SEC23IP: variants seen among roughly 807,000 people sequenced by gnomAD.
The protein encoded by SEC23IP is SEC23 interacting protein.
In SEC23IP, 70 loss-of-function variants were observed where a neutral mutation model predicts 113.4. The observed-to-expected ratio is 0.62, with a 90% CI of 0.51 to 0.75. SEC23IP has a LOEUF of 0.75. SEC23IP is among the 30% of genes least tolerant of loss of function. The pLI, the probability that SEC23IP is intolerant of heterozygous loss-of-function variation, is 0.00. For synonymous variants in SEC23IP, 398 were observed against 421.0 expected (o/e 0.95, Z 0.67); for missense variants, 1,160 against 1,204.9 (o/e 0.96, Z 0.55).
At chr10:119,933,297 C>A in intron 17 of SEC23IP, 130 bp downstream of exon 17, 1 of 817,314 alleles carries the variant, frequency 1.2e-6, no homozygotes, top group Non-Finnish European at 1.9e-6. Context: ...ACTATATGTT[C>A]AGAATCGTTA....
At chr10:119,915,984 A>G (rs1855038307) in intron 8 of SEC23IP, 95 bp downstream of exon 8, 5 of 1,090,052 alleles carry the variant, frequency 4.6e-6, no homozygotes, top group South Asian at 3.4e-5. Flanking sequence ...GCTTCAATCA[A>G]TATGTTTTTA....
chr10:119,900,760 C>T (rs1349760262), intron 2 of SEC23IP, among the ~76,000 whole-genome samples: 1 of 151,922 alleles, frequency 6.6e-6, no homozygotes, highest in Non-Finnish European at 1.5e-5. Flanking sequence ...ACACCTGTCC[C>T]AAAATGGTGT....
At position 119,939,852 on chromosome 10, in the gene SEC23IP, C is replaced by T. The variant is rs375882671; in HGVS notation, c.*21-734C>T. On this transcript the variant is annotated intron_variant, in intron 18 of 18. Transcript: ENST00000369075. ...CTGGGACCACAGGTGTGCACCACCA[C>T]GTCTGGCTAATTTTTTTATTTTTTG... Among the ~76,000 whole-genome samples, 7 of 151,994 alleles carry T rather than the reference C, an allele frequency of 4.6e-5. No homozygotes were observed. In the East Asian group the frequency reaches 7.8e-4, roughly 17 times the overall value.
Position 119,941,542 on chromosome 10 carries a change from A to T in SEC23IP, c.*977A>T, listed in dbSNP as rs1855964346. On this transcript the variant is annotated 3_prime_UTR_variant, in exon 19 of 19. Coordinates refer to ENST00000369075, the MANE Select transcript of SEC23IP (RefSeq NM_007190.4). Reference sequence around the variant, plus strand: ...CTTTGTTTTACTATAAATTCAGATTATCCAAATATTTTCCTAATACTATGT... The same window carrying T: ...CTTTGTTTTACTATAAATTCAGATTTTCCAAATATTTTCCTAATACTATGT... 6.6e-6 allele frequency: 1 copy of T among 152,614 alleles called. No individual in the cohort carries two copies. The highest frequency in any genetic ancestry group is 1.5e-5 in the Non-Finnish European group (1 of 68,046). 9.5% of individuals were successfully genotyped at this position (152,614 alleles called of 1,614,324 possible).
intron 1 of SEC23IP, among the ~76,000 whole-genome samples, chr10:119,896,227 A>G (rs1477127865): frequency 1.3e-5 from 2 of 152,130 alleles, no homozygotes; most frequent in African/African-American, 4.8e-5. Flanking sequence ...ACAGAGGCCC[A>G]TTTTTGTTTA....
intron 1 of SEC23IP, among the ~76,000 whole-genome samples, chr10:119,897,258 A>T (rs1294048760): frequency 6.6e-6 from 1 of 152,356 alleles, no homozygotes; most frequent in African/African-American, 2.4e-5. Flanking sequence ...GCTAGGGAAC[A>T]TAAAAGTTTC....
At chr10:119,920,762 AACTT>A in intron 11 of SEC23IP, 123 bp from the exon 12 acceptor site, 1 of 568,638 alleles carries the variant, frequency 1.8e-6, no homozygotes, top group Admixed American at 3.5e-5. Flanking sequence ...CAAAATAACT[AACTT>A]GTAAAAAGTT....
At chr10:119,901,292 C>T (rs1854491223) in intron 2 of SEC23IP, among the ~76,000 whole-genome samples, 1 of 151,874 alleles carries the variant, frequency 6.6e-6, no homozygotes, top group South Asian at 2.1e-4. Flanking sequence ...TAGGTGTGAA[C>T]CATCGTGTCT....
At chr10:119,926,878 C>T (rs560532499) in intron 13 of SEC23IP, among the ~76,000 whole-genome samples, 1 of 152,202 alleles carries the variant, frequency 6.6e-6, no homozygotes, top group East Asian at 1.9e-4. Context: ...TTTACAACTT[C>T]ATTTTCTTTT....
In SEC23IP at chr10:119,942,011, T is replaced by C. The variant is rs1007459814; in HGVS notation, c.*1446T>C. 6.6e-6 allele frequency: 1 copy of C among 152,240 alleles called. No homozygotes were observed. The highest frequency in any genetic ancestry group is 1.5e-5 in the Non-Finnish European group (1 of 68,044). The allele number at this position is 152,240 out of a possible 1,614,324, so 9.4% of individuals were successfully genotyped here. A position where few individuals can be genotyped will look rare whatever the true frequency, so the allele number is the denominator to read the frequency against. ...GGAATATGGTTTTCTTGATTCCCTT[T>C]CAGCCTTCATTTCTCTCTCTCAGGA... On this transcript the variant is annotated 3_prime_UTR_variant, in exon 19 of 19. Coordinates refer to ENST00000369075, the MANE Select transcript of SEC23IP (RefSeq NM_007190.4).
Position 119,909,032 on chromosome 10 carries a change from C to A in SEC23IP, c.1102-9C>A. ...CATGTTGGAATATATGTTGTTTCCC[C>A]CATTATAGGCTGAATATAAAAAAGC... On this transcript the variant is annotated splice_polypyrimidine_tract_variant and intron_variant, in intron 4 of 18. Transcript: ENST00000369075. 1 of 1,578,846 alleles carries A rather than the reference C, an allele frequency of 6.3e-7. No individual in the cohort carries two copies. Among genetic ancestry groups the A allele is most frequent in the South Asian group, 1.1e-5 (1 of 86,988 alleles).
At chr10:119,912,208 C>T in intron 6 of SEC23IP, 44 bp downstream of exon 6, 1 of 1,576,960 alleles carries the variant, frequency 6.3e-7, no homozygotes, top group Non-Finnish European at 8.7e-7. Context: ...TTAGTCCTCT[C>T]CATTTTAGCA....
chr10:119,898,301 G>T, intron 1 of SEC23IP, 126 bp from the exon 2 acceptor site: 1 of 1,348,606 alleles, frequency 7.4e-7, no homozygotes. Flanking sequence ...GTTTTTTTCT[G>T]TAATGCAGAA....
chr10:119,894,794 G>A (rs1854213778), intron 1 of SEC23IP, among the ~76,000 whole-genome samples: 3 of 151,828 alleles, frequency 2.0e-5, no homozygotes, highest in Admixed American at 2.0e-4. Context: ...TGTAGTGTTT[G>A]GTTTGTGTGT....
chr10:119,917,797 G>C (rs1855102501), intron 8 of SEC23IP, 39 bp from the exon 9 acceptor site: 1 of 1,489,870 alleles, frequency 6.7e-7, no homozygotes, highest in African/African-American at 1.4e-5. Flanking sequence ...ATTTAAGGTA[G>C]ATGCTGACTG....
chr10:119,904,019 A>G, intron 3 of SEC23IP, 65 bp from the exon 4 acceptor site: 1 of 1,545,564 alleles, frequency 6.5e-7, no homozygotes, highest in Non-Finnish European at 8.9e-7. Flanking sequence ...TGCGCCCAGC[A>G]GATTATTTAT....
intron 1 of SEC23IP, among the ~76,000 whole-genome samples, chr10:119,895,231 A>G (rs1030637789): frequency 6.6e-6 from 1 of 152,158 alleles, no homozygotes; most frequent in African/African-American, 2.4e-5. Context: ...TAAAAACACA[A>G]AAGTTAGTTG....
chr10:119,902,585 G>T (rs1383486448), intron 2 of SEC23IP, among the ~76,000 whole-genome samples: 1 of 152,026 alleles, frequency 6.6e-6, no homozygotes, highest in Non-Finnish European at 1.5e-5. Flanking sequence ...GATAAATGGG[G>T]TATAGATATC....
At position 119,941,718 on chromosome 10, in the gene SEC23IP, G is replaced by A. The variant is rs1018814414; in HGVS notation, c.*1153G>A. 1.3e-5 allele frequency: 2 copies of A among 152,640 alleles called. No individual in the cohort carries two copies. The highest frequency in any genetic ancestry group is 2.9e-5 in the Non-Finnish European group (2 of 68,042). 9.5% of individuals were successfully genotyped at this position (152,640 alleles called of 1,614,324 possible). A position where few individuals can be genotyped will look rare whatever the true frequency, so the allele number is the denominator to read the frequency against. On this transcript the variant is annotated 3_prime_UTR_variant, in exon 19 of 19. Transcript: ENST00000369075. ...GTGTGAATAAAGCAGTAACATTAAT[G>A]CATTTTTTAAGCAGCAAACTTATGT...
Sources: gnomAD v4.1 joint callset for allele counts (sites outside exome capture counted in the v4.1 genomes callset) on GRCh38, gnomAD v4.1.1 for gene constraint, MANE v1.5 for transcripts, NCBI Gene and HGNC (gene_info 2026-07-23, HGNC 2026-07-21) for gene names.